Variants in KHDRBS2 observed in about 807,000 individuals in gnomAD.
KHDRBS2 encodes KH RNA binding domain containing, signal transduction associated 2, also known as KH domain-containing, RNA-binding, signal transduction-associated protein 2.
Under a neutral mutation model 44.3 loss-of-function variants are expected in KHDRBS2, and 26 were observed. The observed-to-expected ratio is 0.59, with a 90% CI of 0.43 to 0.81. KHDRBS2 has a LOEUF of 0.81. KHDRBS2 is among the 40% of genes least tolerant of loss of function. The pLI is 0.00. For synonymous variants in KHDRBS2, 194 were observed against 151.1 expected (o/e 1.28, Z -2.08); for missense variants, 476 against 433.1 (o/e 1.10, Z -0.88).
chr6:61,860,277 G>A (rs1796728309), intron 6 of KHDRBS2, among the ~76,000 whole-genome samples: 1 of 151,798 alleles, frequency 6.6e-6, no homozygotes, highest in South Asian at 2.1e-4. Flanking sequence ...TTTTTTGTGT[G>A]TGTGTCATGG....
At chr6:61,733,840 G>A (rs1207742527) in intron 6 of KHDRBS2, among the ~76,000 whole-genome samples, 1 of 151,568 alleles carries the variant, frequency 6.6e-6, no homozygotes, top group Non-Finnish European at 1.5e-5. Context: ...CATCCGTCTC[G>A]ATTATTCCCT....
intron 2 of KHDRBS2, among the ~76,000 whole-genome samples, chr6:62,144,761 T>A (rs2150100881): frequency 6.6e-6 from 1 of 152,084 alleles, no homozygotes; most frequent in Middle Eastern, 3.4e-3. Flanking sequence ...TATCCCAGCA[T>A]GAAGGTGCAA....
the KHDRBS2 span, among the ~76,000 whole-genome samples, chr6:61,665,158 GTA>G: frequency 6.6e-6 from 1 of 151,386 alleles, no homozygotes; most frequent in South Asian, 2.1e-4. Flanking sequence ...AATAAATATA[GTA>G]TGTTTCTCCA....
intron 2 of KHDRBS2, among the ~76,000 whole-genome samples, chr6:62,165,697 A>G (rs1818540202): frequency 6.6e-6 from 1 of 151,928 alleles, no homozygotes; most frequent in African/African-American, 2.4e-5. Flanking sequence ...TATAATAAAT[A>G]TATATCACTG....
chr6:61,860,086 G>T (rs1796700293), intron 6 of KHDRBS2, among the ~76,000 whole-genome samples: 1 of 151,656 alleles, frequency 6.6e-6, no homozygotes, highest in African/African-American at 2.4e-5. Context: ...CTCCTAGAAT[G>T]GATAAAAAAT....
intron 6 of KHDRBS2, among the ~76,000 whole-genome samples, chr6:61,802,365 T>C (rs1404815182): frequency 1.3e-5 from 2 of 152,176 alleles, no homozygotes; most frequent in Non-Finnish European, 2.9e-5. Flanking sequence ...GATGTAATGC[T>C]CTCAATCATA....
At chr6:61,659,564 A>T in the KHDRBS2 span, among the ~76,000 whole-genome samples, 1 of 151,858 alleles carries the variant, frequency 6.6e-6, no homozygotes, top group Non-Finnish European at 1.5e-5. Flanking sequence ...AATCACAGTT[A>T]TTTTTATTAA....
chr6:62,028,386 G>A (rs1783754966), intron 3 of KHDRBS2, among the ~76,000 whole-genome samples: 1 of 152,064 alleles, frequency 6.6e-6, no homozygotes, highest in South Asian at 2.1e-4. Flanking sequence ...GTGTTTTGAT[G>A]AAAATACTTG....
chr6:61,605,802 T>C, the KHDRBS2 span, among the ~76,000 whole-genome samples: 1 of 152,172 alleles, frequency 6.6e-6, no homozygotes, highest in Admixed American at 6.5e-5. Context: ...TTATTTTTCT[T>C]ATTAATATAA....
the KHDRBS2 span, among the ~76,000 whole-genome samples, chr6:61,575,629 T>A: frequency 6.6e-6 from 1 of 152,100 alleles, no homozygotes; most frequent in Non-Finnish European, 1.5e-5. Flanking sequence ...AGAAAAGAAG[T>A]CATTATATGA....
At chr6:61,561,303 C>T in the KHDRBS2 span, among the ~76,000 whole-genome samples, 4 of 152,146 alleles carry the variant, frequency 2.6e-5, no homozygotes, top group Admixed American at 2.6e-4. Flanking sequence ...ACTGTGACTC[C>T]ACTGAGTCAG....
At chr6:62,259,559 T>C (rs1443562143) in intron 1 of KHDRBS2, among the ~76,000 whole-genome samples, 3 of 152,020 alleles carry the variant, frequency 2.0e-5, no homozygotes, top group Admixed American at 6.6e-5. Flanking sequence ...ATGTTTTATT[T>C]TGTTAATATA....
chr6:61,949,454 G>A (rs1349789737), intron 4 of KHDRBS2, among the ~76,000 whole-genome samples: 1 of 152,018 alleles, frequency 6.6e-6, no homozygotes, highest in South Asian at 2.1e-4. Context: ...CTTATCTTCA[G>A]CTACAGGACA....
At chr6:62,093,702 G>A (rs1299144493) in intron 2 of KHDRBS2, among the ~76,000 whole-genome samples, 1 of 151,782 alleles carries the variant, frequency 6.6e-6, no homozygotes, top group African/African-American at 2.4e-5. Context: ...CTTCTGGAAA[G>A]ACAATGTTTT....
intron 4 of KHDRBS2, among the ~76,000 whole-genome samples, chr6:61,929,040 A>C (rs1809506109): frequency 6.6e-6 from 1 of 152,138 alleles, no homozygotes; most frequent in Non-Finnish European, 1.5e-5. Context: ...AGTCTGCTAC[A>C]AGCAAATTTC....
intron 6 of KHDRBS2, among the ~76,000 whole-genome samples, chr6:61,835,486 G>T (rs971031982): frequency 1.1e-4 from 16 of 151,858 alleles, no homozygotes; most frequent in African/African-American, 2.9e-4. Context: ...ATTTCACAGT[G>T]CCACTGCCAA....
chr6:61,918,151 A>G (rs760662866), intron 4 of KHDRBS2, among the ~76,000 whole-genome samples: 5 of 151,942 alleles, frequency 3.3e-5, no homozygotes, highest in Non-Finnish European at 7.4e-5. Context: ...GGTAGAAAAC[A>G]CTTTCAATGG....
At chr6:61,551,224 G>T in the KHDRBS2 span, among the ~76,000 whole-genome samples, 48 of 152,026 alleles carry the variant, frequency 3.2e-4, 1 homozygote, top group South Asian at 9.5e-3. Flanking sequence ...ATTGTTTTTT[G>T]CTTGTGAATT....
rs57360690 is a variant in KHDRBS2, at chr6:62,018,299, A to ATG, written c.336+29577_336+29578dup. The stretch of plus-strand genomic sequence containing the variant: ...GTATATTCACACACTATATATATAT[A>ATG]TGTGTGTGTGTGTGTGTGTGTGTGT... On this transcript the variant is annotated intron_variant, in intron 3 of 8. Coordinates refer to ENST00000281156, the MANE Select transcript of KHDRBS2 (RefSeq NM_152688.4). 2.2e-3 allele frequency among the ~76,000 whole-genome samples: 325 copies of ATG among 146,220 alleles called. 4 individuals carry two copies. The highest frequency in any genetic ancestry group is 7.2e-3 in the African/African-American group (283 of 39,466).
Sources: allele counts gnomAD v4.1 joint callset (sites outside exome capture counted in the v4.1 genomes callset), GRCh38; gene constraint gnomAD v4.1.1; transcripts MANE v1.5; gene names NCBI Gene and HGNC (gene_info 2026-07-23, HGNC 2026-07-21).